Variants in RAB3C observed in about 807,000 individuals in gnomAD.
The protein encoded by RAB3C is RAB3C, member RAS oncogene family.
In RAB3C, 17 loss-of-function variants were observed where a neutral mutation model predicts 26.4. That is an observed-to-expected ratio of 0.64 (90% CI 0.44 to 0.97). The LOEUF is 0.97. Ranked by LOEUF, RAB3C falls within the 50% of genes least tolerant of loss-of-function variation. The pLI is 0.00. For synonymous variants in RAB3C, 91 were observed against 95.9 expected, an observed-to-expected ratio of 0.95 and a Z score of 0.30; for missense variants, 242 against 281.9, an observed-to-expected ratio of 0.86 and a Z score of 1.01.
chr5:58,751,096 C>CACT (rs1741514015), intron 3 of RAB3C, among the ~76,000 whole-genome samples: 1 of 152,168 alleles, frequency 6.6e-6, no homozygotes. Context: ...TCAAGTGATC[C>CACT]ACTCGGCTCA....
At chr5:58,586,100 CTT>C (rs1029549594) in intron 1 of RAB3C, among the ~76,000 whole-genome samples, 2 of 151,862 alleles carry the variant, frequency 1.3e-5, no homozygotes, top group African/African-American at 4.8e-5. Flanking sequence ...AGCCCTGTGA[CTT>C]AGATTTCATT....
chr5:58,655,990 G>T (rs1340495470), intron 2 of RAB3C, among the ~76,000 whole-genome samples: 4 of 151,690 alleles, frequency 2.6e-5, no homozygotes, highest in African/African-American at 9.7e-5. Flanking sequence ...GTAGAGACGG[G>T]GTTTCACCGT....
At chr5:58,755,642 G>A (rs934386716) in intron 3 of RAB3C, among the ~76,000 whole-genome samples, 7 of 152,138 alleles carry the variant, frequency 4.6e-5, no homozygotes, top group African/African-American at 9.7e-5. Flanking sequence ...CTTGTACTGC[G>A]GAAAGAAACC....
At chr5:58,751,098 C>A (rs1741514104) in intron 3 of RAB3C, among the ~76,000 whole-genome samples, 1 of 152,214 alleles carries the variant, frequency 6.6e-6, no homozygotes, top group Non-Finnish European at 1.5e-5. Flanking sequence ...AAGTGATCCA[C>A]TCGGCTCAGC....
intron 1 of RAB3C, among the ~76,000 whole-genome samples, chr5:58,605,649 G>T (rs1746544784): frequency 6.6e-6 from 1 of 152,134 alleles, no homozygotes; most frequent in Non-Finnish European, 1.5e-5. Flanking sequence ...TGTAATCCTA[G>T]TACTTTGGGA....
At chr5:58,612,518 G>GTGTGTGTGTATATATATATATA (rs1242197761) in intron 1 of RAB3C, among the ~76,000 whole-genome samples, 3 of 40,574 alleles carry the variant, frequency 7.4e-5, no homozygotes, top group South Asian at 2.1e-3. Flanking sequence ...GTGTGTGTGT[G>GTGTGTGTGTATATATATATATA]TGTATATATA....
At chr5:58,718,886 C>T (rs1246847969) in intron 2 of RAB3C, among the ~76,000 whole-genome samples, 1 of 151,962 alleles carries the variant, frequency 6.6e-6, no homozygotes, top group African/African-American at 2.4e-5. Context: ...CCATTTCATT[C>T]CGAATGAAAC....
chr5:58,831,320 G>T (rs935293508), intron 4 of RAB3C, among the ~76,000 whole-genome samples: 2 of 152,216 alleles, frequency 1.3e-5, no homozygotes, highest in Admixed American at 1.3e-4. Flanking sequence ...AATGGAAGAT[G>T]CTAGAAAATA....
intron 4 of RAB3C, among the ~76,000 whole-genome samples, chr5:58,845,610 A>ATGTG (rs1363330767): frequency 1.3e-4 from 7 of 53,230 alleles, no homozygotes; most frequent in African/African-American, 6.6e-4. Context: ...ATATATATAT[A>ATGTG]TATGTGTGTG....
At chr5:58,634,259 A>C (rs555819644) in intron 2 of RAB3C, among the ~76,000 whole-genome samples, 1 of 152,268 alleles carries the variant, frequency 6.6e-6, no homozygotes, top group South Asian at 2.1e-4. Flanking sequence ...AGGGATATTT[A>C]TTCACACCAT....
intron 2 of RAB3C, among the ~76,000 whole-genome samples, chr5:58,714,032 A>C (rs1256283021): frequency 1.3e-5 from 2 of 152,222 alleles, no homozygotes; most frequent in African/African-American, 4.8e-5. Context: ...GCCACATCAC[A>C]GTGAAACTAC....
intron 3 of RAB3C, among the ~76,000 whole-genome samples, chr5:58,778,969 A>G: frequency 6.6e-6 from 1 of 152,172 alleles, no homozygotes; most frequent in East Asian, 1.9e-4. Flanking sequence ...ACAGGATTAA[A>G]AACACAAAGT....
chr5:58,651,341 T>C (rs913531924), intron 2 of RAB3C, among the ~76,000 whole-genome samples: 1 of 152,332 alleles, frequency 6.6e-6, no homozygotes, highest in African/African-American at 2.4e-5. Context: ...GAGTCAATAT[T>C]TGAAACTGTT....
chr5:58,842,329 C>G (rs865909842), intron 4 of RAB3C, among the ~76,000 whole-genome samples: 1 of 152,174 alleles, frequency 6.6e-6, no homozygotes, highest in African/African-American at 2.4e-5. Context: ...ATTCCTTCTG[C>G]AGATGGCTAA....
At chr5:58,845,612 A>ATATATATATATATATATGTGTGTGTGTG in intron 4 of RAB3C, among the ~76,000 whole-genome samples, 949 of 80,104 alleles carry the variant, frequency 0.012, 13 homozygotes, top group Non-Finnish European at 0.015. Flanking sequence ...ATATATATAT[A>ATATATATATATATATATGTGTGTGTGTG]TGTGTGTGTG....
chr5:58,848,105 C>G (rs1744043508), intron 4 of RAB3C, among the ~76,000 whole-genome samples: 1 of 152,204 alleles, frequency 6.6e-6, no homozygotes, highest in African/African-American at 2.4e-5. Flanking sequence ...ATCCACCTGC[C>G]TCAGCCTCCA....
chr5:58,788,907 T>G (rs1387844603), intron 3 of RAB3C, among the ~76,000 whole-genome samples: 1 of 152,042 alleles, frequency 6.6e-6, no homozygotes, highest in Non-Finnish European at 1.5e-5. Flanking sequence ...CCTGTCAAGG[T>G]TTTGTGAAAT....
chr5:58,751,150 G>A (rs1394377995), intron 3 of RAB3C, among the ~76,000 whole-genome samples: 3 of 152,024 alleles, frequency 2.0e-5, no homozygotes, highest in Non-Finnish European at 2.9e-5. Flanking sequence ...CACCGTGCCC[G>A]GACCCGTCAT....
At chr5:58,693,907 G>A (rs1430302400) in intron 2 of RAB3C, among the ~76,000 whole-genome samples, 3 of 151,918 alleles carry the variant, frequency 2.0e-5, no homozygotes, top group East Asian at 1.9e-4. Flanking sequence ...TATCCCATAC[G>A]TTCCCATCTG....
Sources: allele counts gnomAD v4.1 joint callset (sites outside exome capture counted in the v4.1 genomes callset), GRCh38; gene constraint gnomAD v4.1.1; transcripts MANE v1.5; gene names NCBI Gene and HGNC (gene_info 2026-07-23, HGNC 2026-07-21).